The following URI1 variants were observed in gnomAD, a reference collection of about 807,000 sequenced individuals.
URI1 encodes URI1 prefoldin like chaperone.
In URI1, 39 loss-of-function variants were observed where a neutral mutation model predicts 60.2. The observed-to-expected ratio is 0.65, with a 90% CI of 0.50 to 0.85. The LOEUF is 0.85. Among genes scored for constraint, URI1 ranks in the 40% least tolerant of loss-of-function variants. The pLI, the probability that URI1 is intolerant of heterozygous loss-of-function variation, is 0.00. For missense variants in URI1, 691 were observed against 665.9 expected, an observed-to-expected ratio of 1.04 and a Z score of -0.42; for synonymous variants, 251 against 236.8, an observed-to-expected ratio of 1.06 and a Z score of -0.55.
intron 1 of URI1, among the ~76,000 whole-genome samples, chr19:29,944,140 C>CATATATATATGT (rs2055067650): frequency 2.7e-5 from 1 of 37,124 alleles, no homozygotes; most frequent in Non-Finnish European, 8.5e-5. Context: ...CCCTGTCATT[C>CATATATATATGT]ATATATATAT....
chr19:29,926,874 C>T (rs562091665), intron 1 of URI1, among the ~76,000 whole-genome samples: 1 of 152,142 alleles, frequency 6.6e-6, no homozygotes, highest in Non-Finnish European at 1.5e-5. Flanking sequence ...CAAGGGATGA[C>T]GTGCCTGTCT....
intron 1 of URI1, among the ~76,000 whole-genome samples, chr19:29,948,052 A>C (rs1054308598): frequency 1.3e-5 from 2 of 152,094 alleles, no homozygotes; most frequent in African/African-American, 4.8e-5. Flanking sequence ...TCTCCACCGC[A>C]TTGTCATCTT....
At chr19:29,985,856 A>C (rs1039630002) in intron 3 of URI1, among the ~76,000 whole-genome samples, 3 of 152,198 alleles carry the variant, frequency 2.0e-5, no homozygotes, top group Non-Finnish European at 4.4e-5. Flanking sequence ...CATTAAAGCT[A>C]TTTGTTTACT....
At chr19:29,935,616 T>C (rs963241196) in intron 1 of URI1, among the ~76,000 whole-genome samples, 1 of 152,098 alleles carries the variant, frequency 6.6e-6, no homozygotes, top group Admixed American at 6.6e-5. Flanking sequence ...GAGCTTTCTC[T>C]GCGTTTATTT....
At chr19:29,998,045 G>A (rs1599715491) in intron 4 of URI1, among the ~76,000 whole-genome samples, 2 of 152,162 alleles carry the variant, frequency 1.3e-5, no homozygotes, top group East Asian at 3.9e-4. Flanking sequence ...GAGCCACTGT[G>A]CCCAGCCATA....
At chr19:29,992,071 C>CT (rs997892865) in intron 4 of URI1, among the ~76,000 whole-genome samples, 48 of 151,758 alleles carry the variant, frequency 3.2e-4, no homozygotes, top group Admixed American at 2.9e-3. Flanking sequence ...AAGTGGGTTT[C>CT]TTTTTTTTGT....
intron 2 of URI1, among the ~76,000 whole-genome samples, chr19:29,976,755 A>G (rs1027084041): frequency 1.1e-4 from 17 of 152,210 alleles, no homozygotes; most frequent in African/African-American, 4.1e-4. Context: ...CGTAAATCGT[A>G]TGCATGTGAG....
chr19:30,009,236 TGAC>T lies in URI1; in HGVS notation c.931_933del (p.Asp311del), dbSNP rs774754630. Reference sequence around the variant, plus strand: ...GTGATGATGATGATGATGATGATGATGACGACGACGACGACAACATTGACGACG... The same window carrying T: ...GTGATGATGATGATGATGATGATGATGACGACGACGACAACATTGACGACG... On this transcript the variant is annotated inframe_deletion, in exon 8 of 11. Transcript: ENST00000392271. The T allele has an allele frequency of 6.9e-4, 329 of 475,442 alleles. 1 individual carries two copies. Among genetic ancestry groups the T allele is most frequent in the African/African-American group, 4.4e-3 (186 of 42,210 alleles). 29.5% of individuals were successfully genotyped at this position (475,442 alleles called of 1,614,324 possible).
At chr19:30,005,749 T>TTTGATTTTTG (rs775588023) in intron 6 of URI1, 41 bp downstream of exon 6, 1 of 1,561,878 alleles carries the variant, frequency 6.4e-7, no homozygotes, top group Non-Finnish European at 8.7e-7. Flanking sequence ...GTTTAGATAT[T>TTTGATTTTTG]TTGATTTTTG....
At chr19:29,977,409 A>C (rs974242470) in intron 2 of URI1, among the ~76,000 whole-genome samples, 3 of 151,970 alleles carry the variant, frequency 2.0e-5, no homozygotes, top group African/African-American at 7.2e-5. Context: ...ATACCTTTAA[A>C]ACTTGTAAAA....
chr19:29,928,062 A>G (rs1283331288), intron 1 of URI1, among the ~76,000 whole-genome samples: 1 of 152,096 alleles, frequency 6.6e-6, no homozygotes, highest in Non-Finnish European at 1.5e-5. Flanking sequence ...GGCCACATAC[A>G]GGTGATCTGG....
chr19:30,005,306 C>G (rs2145431060), intron 4 of URI1, 55 bp from the exon 5 acceptor site: 1 of 1,002,736 alleles, frequency 1.0e-6, no homozygotes, highest in East Asian at 2.6e-5. Flanking sequence ...TTAAAATATT[C>G]CTACAGGTCG....
upstream of URI1, among the ~76,000 whole-genome samples, chr19:29,941,808 G>T (rs1004729281): frequency 2.6e-5 from 4 of 152,040 alleles, no homozygotes; most frequent in Non-Finnish European, 5.9e-5. Context: ...AAAAGGCACA[G>T]AAAGAGTTGA....
At chr19:29,969,730 G>T (rs2055434926) in intron 1 of URI1, among the ~76,000 whole-genome samples, 1 of 152,012 alleles carries the variant, frequency 6.6e-6, no homozygotes, top group Non-Finnish European at 1.5e-5. Flanking sequence ...TGTTAAATAG[G>T]AACTTTATGA....
chr19:30,008,933 A>G (rs746781253), intron 7 of URI1, 72 bp from the exon 8 acceptor site: 9 of 1,244,324 alleles, frequency 7.2e-6, no homozygotes, highest in South Asian at 1.7e-5. Flanking sequence ...ACCCATGGAA[A>G]CTAACTGGAA....
upstream of URI1, among the ~76,000 whole-genome samples, chr19:29,941,424 C>T (rs1272942106): frequency 6.6e-6 from 1 of 151,992 alleles, no homozygotes; most frequent in Admixed American, 6.6e-5. Context: ...ATGTCAAGAC[C>T]AGCCTGGGCA....
At chr19:29,941,910 A>T (rs958414275), upstream of URI1, among the ~76,000 whole-genome samples, 5 of 151,412 alleles carry the variant, frequency 3.3e-5, no homozygotes, top group African/African-American at 1.2e-4. Context: ...GGGGAGGGAG[A>T]TGGGGCACTC....
chr19:29,951,439 A>AT (rs1489985268), intron 1 of URI1, among the ~76,000 whole-genome samples: 1 of 151,760 alleles, frequency 6.6e-6, no homozygotes, highest in Admixed American at 6.6e-5. Flanking sequence ...CAATAAACTC[A>AT]TTTTTTTGTT....
In URI1 at chr19:29,930,861, CTTT is replaced by C. The variant is rs35842559; in HGVS notation, c.63+7121_63+7123del. ...TACTACTAACTGCCACCATGCCTGTCTTTTTTTTTTTTTTTTCTGTAGTTTTAG... is the reference window on the plus strand; with the variant it reads ...TACTACTAACTGCCACCATGCCTGTCTTTTTTTTTTTTTCTGTAGTTTTAG... On this transcript the variant is annotated intron_variant, in intron 1 of 10. Coordinates refer to the URI1 transcript ENST00000360605. Among the ~76,000 whole-genome samples the C allele has an allele frequency of 1.5e-3, 196 of 131,098 alleles. 1 individual carries two copies. The highest frequency in any genetic ancestry group is 5.1e-3 in the African/African-American group (185 of 36,588). 86.0% of individuals were successfully genotyped at this position (131,098 alleles called of 152,430 possible). A position where few individuals can be genotyped will look rare whatever the true frequency, so the allele number is the denominator to read the frequency against.
Sources: gnomAD v4.1 joint callset for allele counts (sites outside exome capture counted in the v4.1 genomes callset) on GRCh38, gnomAD v4.1.1 for gene constraint, MANE v1.5 for transcripts, NCBI Gene and HGNC (gene_info 2026-07-23, HGNC 2026-07-21) for gene names.